FHIT: variants seen among roughly 807,000 people sequenced by gnomAD.
The protein encoded by FHIT is fragile histidine triad diadenosine triphosphatase.
A neutral mutation model predicts 17.9 loss-of-function variants in FHIT; 19 were observed. The observed-to-expected ratio is 1.06, with a 90% CI of 0.74 to 1.56. The LOEUF (loss-of-function observed/expected upper bound fraction) is 1.56, where lower values mean the gene tolerates loss of function less well. Among genes scored for constraint, FHIT ranks in the 40% most tolerant of loss-of-function variants. The pLI is 0.00. For synonymous variants in FHIT, 81 were observed against 69.7 expected (o/e 1.16, Z -0.81); for missense variants, 248 against 189.2 (o/e 1.31, Z -1.82).
chr3:59,807,271 T>C (rs1031202277), intron 8 of FHIT, among the ~76,000 whole-genome samples: 1 of 152,196 alleles, frequency 6.6e-6, no homozygotes, highest in Non-Finnish European at 1.5e-5. Flanking sequence ...TGTCACACAT[T>C]GCGGGTTGGG....
At chr3:60,757,862 G>C (rs945060585) in intron 4 of FHIT, among the ~76,000 whole-genome samples, 1 of 152,194 alleles carries the variant, frequency 6.6e-6, no homozygotes, top group Non-Finnish European at 1.5e-5. Context: ...CATAGAAGTG[G>C]AAGACTAGTC....
chr3:60,533,780 C>A (rs572355751), intron 5 of FHIT, among the ~76,000 whole-genome samples: 19 of 152,074 alleles, frequency 1.2e-4, no homozygotes, highest in Non-Finnish European at 2.5e-4. Flanking sequence ...CAATGAAGGT[C>A]CTTAAAAACT....
intron 2 of FHIT, among the ~76,000 whole-genome samples, chr3:61,066,837 G>A (rs2034628156): frequency 6.6e-6 from 1 of 152,142 alleles, no homozygotes; most frequent in Non-Finnish European, 1.5e-5. Flanking sequence ...AGAAAGAGAT[G>A]AGACAGTAAA....
At position 59,813,503 on chromosome 3, in the gene FHIT, C is replaced by A. The variant is rs190968036; in HGVS notation, c.349-61182G>T. ...GCTTACTTAATAATAAATCTGGGAT[C>A]CAAATTCATGGATTTTTGAGAGGGG... On this transcript the variant is annotated intron_variant, in intron 8 of 9. Transcript: ENST00000492590. Among the ~76,000 whole-genome samples, 363 of 152,146 alleles carry A rather than the reference C, an allele frequency of 2.4e-3. 2 individuals are homozygous for A. The highest frequency in any genetic ancestry group is 0.01 in the Middle Eastern group (3 of 294).
chr3:59,798,363 G>T (rs1225583912), intron 8 of FHIT, among the ~76,000 whole-genome samples: 4 of 152,188 alleles, frequency 2.6e-5, no homozygotes, highest in African/African-American at 9.7e-5. Flanking sequence ...CACTAGAAGA[G>T]CAAGATAGCA....
intron 3 of FHIT, among the ~76,000 whole-genome samples, chr3:60,962,552 T>A (rs1202280847): frequency 1.3e-5 from 2 of 152,226 alleles, no homozygotes; most frequent in African/African-American, 4.8e-5. Flanking sequence ...TTCAGTATGA[T>A]ATTGGCTGTG....
chr3:59,787,386 T>C (rs1699351904), intron 8 of FHIT, among the ~76,000 whole-genome samples: 1 of 151,440 alleles, frequency 6.6e-6, no homozygotes, highest in Admixed American at 6.6e-5. Context: ...CCCATAACTA[T>C]CAGGATACAT....
intron 5 of FHIT, among the ~76,000 whole-genome samples, chr3:60,156,975 A>G (rs9828226): frequency 0.45 from 67,821 of 151,674 alleles, 15,755 homozygotes; most frequent in Middle Eastern, 0.57. Context: ...GTTAGATACG[A>G]CTCTTATGAT....
chr3:59,794,796 A>G (rs767282583), intron 8 of FHIT, among the ~76,000 whole-genome samples: 16 of 152,350 alleles, frequency 1.1e-4, no homozygotes, highest in Non-Finnish European at 2.4e-4. Context: ...GACAGCTCTC[A>G]AAGCTAGGCC....
At chr3:60,203,471 C>A (rs537083197) in intron 5 of FHIT, among the ~76,000 whole-genome samples, 1 of 152,192 alleles carries the variant, frequency 6.6e-6, no homozygotes, top group Admixed American at 6.5e-5. Flanking sequence ...TTTAGAGGAC[C>A]TGAGATGACC....
rs760365127 is a variant in FHIT at position 59,927,202 on chromosome 3, C to T, written c.280-4788G>A. Among the ~76,000 whole-genome samples, 7 of 152,078 alleles carry T rather than the reference C, an allele frequency of 4.6e-5. 1 individual carries two copies. Among genetic ancestry groups the T allele is most frequent in the Admixed American group, 1.3e-4 (2 of 15,266 alleles). ...CTCAGGGAAATAAGCCAGACAAAAACGGCCACATATTGTACCATGCCATTT... is the reference window on the plus strand; with the variant it reads ...CTCAGGGAAATAAGCCAGACAAAAATGGCCACATATTGTACCATGCCATTT... On this transcript the variant is annotated intron_variant, in intron 7 of 9. Coordinates refer to ENST00000492590, the MANE Select transcript of FHIT (RefSeq NM_002012.4).
chr3:59,997,542 A>G (rs1248480973), intron 7 of FHIT, among the ~76,000 whole-genome samples: 1 of 152,208 alleles, frequency 6.6e-6, no homozygotes, highest in East Asian at 1.9e-4. Context: ...AGCTAAAACT[A>G]TAAAACCAAA....
chr3:60,970,078 C>T (rs1709937024), intron 3 of FHIT, among the ~76,000 whole-genome samples: 1 of 152,136 alleles, frequency 6.6e-6, no homozygotes, highest in African/African-American at 2.4e-5. Context: ...CCTGCCTCGG[C>T]CTCCCAAAGT....
At chr3:61,128,802 C>T (rs2036684008) in intron 2 of FHIT, among the ~76,000 whole-genome samples, 1 of 151,248 alleles carries the variant, frequency 6.6e-6, no homozygotes, top group Admixed American at 6.6e-5. Context: ...TCTCAATGTT[C>T]ATTCTGGAAG....
intron 5 of FHIT, among the ~76,000 whole-genome samples, chr3:60,109,931 C>T (rs1173372182): frequency 6.6e-6 from 1 of 152,236 alleles, no homozygotes; most frequent in African/African-American, 2.4e-5. Context: ...TCCAAACTTG[C>T]ATTTTTCAGC....
At chr3:59,953,498 C>G (rs979018865) in intron 7 of FHIT, among the ~76,000 whole-genome samples, 1 of 152,184 alleles carries the variant, frequency 6.6e-6, no homozygotes, top group East Asian at 1.9e-4. Context: ...TGCATTGCCA[C>G]GCAGACGCCT....
intron 3 of FHIT, among the ~76,000 whole-genome samples, chr3:60,831,778 T>A (rs1575578273): frequency 6.6e-6 from 1 of 152,020 alleles, no homozygotes; most frequent in Non-Finnish European, 1.5e-5. Flanking sequence ...GAGTGATGGG[T>A]TAGGATTCAA....
At chr3:61,114,522 C>A (rs1321861711) in intron 2 of FHIT, among the ~76,000 whole-genome samples, 1 of 152,078 alleles carries the variant, frequency 6.6e-6, no homozygotes, top group Non-Finnish European at 1.5e-5. Flanking sequence ...GTAATACTAT[C>A]TACTTCACAT....
In FHIT at chr3:61,180,834, C is replaced by T. The variant is rs2038318844; in HGVS notation, c.-164+19783G>A. ...GCACCTAGCCAAATTATAGAAAGAG[C>T]ATGGGAACTGCTTAATGATTTGCTT... On this transcript the variant is annotated intron_variant, in intron 2 of 9. Transcript: ENST00000492590. Among the ~76,000 whole-genome samples the T allele has an allele frequency of 2.0e-5, 3 of 152,112 alleles. No individual in the cohort carries two copies. The South Asian group carries it at 6.2e-4, about 32-fold the overall frequency.
Sources: gnomAD v4.1 joint callset for allele counts (sites outside exome capture counted in the v4.1 genomes callset) on GRCh38, gnomAD v4.1.1 for gene constraint, MANE v1.5 for transcripts, NCBI Gene and HGNC (gene_info 2026-07-23, HGNC 2026-07-21) for gene names.